The following CLPTM1L variants were observed in gnomAD, a reference collection of about 807,000 sequenced individuals.
CLPTM1L encodes CLPTM1 like.
In CLPTM1L, 38 loss-of-function variants were observed where a neutral mutation model predicts 70.9. The ratio of observed to expected loss-of-function variants is 0.54; its 90% confidence interval spans 0.41 to 0.70. CLPTM1L has a LOEUF of 0.70. Ranked by LOEUF, CLPTM1L falls within the 30% of genes least tolerant of loss-of-function variation. The probability of loss-of-function intolerance (pLI) is 0.00; values close to 1 mark genes in which losing one functional copy is unlikely to be tolerated. For synonymous variants in CLPTM1L, 339 were observed against 299.9 expected (o/e 1.13, Z -1.35); for missense variants, 652 against 705.9 (o/e 0.92, Z 0.87).
chr5:1,335,180 G>A lies in CLPTM1L; in HGVS notation c.679-6C>T, dbSNP rs760630498. The A allele has an allele frequency of 2.1e-5, 34 of 1,610,346 alleles. No individual in the cohort carries two copies. The highest frequency in any genetic ancestry group is 4.0e-5 in the African/African-American group (3 of 74,876). ...GTGGTGGAGCGGTTTATGACCTGAT[G>A]AAGAAAGCCACACTGAGGGCCCTGC... is the stretch of plus-strand genomic sequence containing the variant. On this transcript the variant is annotated splice_polypyrimidine_tract_variant and splice_region_variant and intron_variant, in intron 5 of 16. Transcript: ENST00000320895.
At chr5:1,331,709 C>A in intron 8 of CLPTM1L, 90 bp downstream of exon 8, 17 of 1,117,644 alleles carry the variant, frequency 1.5e-5, no homozygotes, top group Non-Finnish European at 2.2e-5. Context: ...GTGTCTGCAG[C>A]CAGCAGTGAG....
At chr5:1,336,952 C>A (rs531792045) in intron 5 of CLPTM1L, among the ~76,000 whole-genome samples, 3 of 152,282 alleles carry the variant, frequency 2.0e-5, no homozygotes, top group South Asian at 4.1e-4. Context: ...TGCACCCCCC[C>A]GCTAGCAAGC....
chr5:1,343,020 G>A (rs1204009061), intron 2 of CLPTM1L, among the ~76,000 whole-genome samples: 9 of 152,164 alleles, frequency 5.9e-5, no homozygotes, highest in Admixed American at 2.0e-4. Flanking sequence ...GTGAAACCCT[G>A]TCTCTACTAA....
intron 9 of CLPTM1L, among the ~76,000 whole-genome samples, chr5:1,327,375 C>G (rs71595011): frequency 7.2e-6 from 1 of 139,604 alleles, no homozygotes; most frequent in East Asian, 2.3e-4. Context: ...CAGGCACATT[C>G]CATCCAGCTC....
chr5:1,325,563 A>G (rs1752473317), intron 10 of CLPTM1L, 188 bp downstream of exon 10: 3 of 615,290 alleles, frequency 4.9e-6, no homozygotes, highest in African/African-American at 1.8e-5. Flanking sequence ...AACTAGGTAT[A>G]TGACCGGGGA....
chr5:1,331,736 C>T lies in CLPTM1L; in HGVS notation c.976+63G>A, dbSNP rs571406390. The T allele has an allele frequency of 3.9e-5, 56 of 1,418,736 alleles. No individual in the cohort carries two copies. The Middle Eastern group carries it at 7.3e-4, about 18-fold the overall frequency. The allele number at this position is 1,418,736 out of a possible 1,614,324, so 87.9% of individuals were successfully genotyped here. A position where few individuals can be genotyped will look rare whatever the true frequency, so the allele number is the denominator to read the frequency against. ...AGCAGTGAGGCAGGCAGCCCTCTAC[C>T]GCAGGCTCCAGTGAGCTCCCTGGGG... On this transcript the variant is annotated intron_variant, in intron 8 of 16. Coordinates refer to ENST00000320895, the MANE Select transcript of CLPTM1L (RefSeq NM_030782.5).
chr5:1,323,991 G>A, intron 11 of CLPTM1L, 122 bp from the exon 12 acceptor site: 1 of 785,306 alleles, frequency 1.3e-6, no homozygotes, highest in Non-Finnish European at 2.2e-6. Context: ...GGGTGGCAGG[G>A]CTGCTCTGCA....
intron 2 of CLPTM1L, 24 bp downstream of exon 2, chr5:1,344,327 T>G (rs28576379): frequency 1.4e-6 from 2 of 1,462,324 alleles, no homozygotes; most frequent in Non-Finnish European, 1.9e-6. Flanking sequence ...TCCCTTTCAC[T>G]GGCATTTTGT....
In CLPTM1L at chr5:1,342,134, G is replaced by C. The variant is rs1426133835; in HGVS notation, c.264-274C>G. ...CCCGCACTTCCTGCCTCCATCTCAG[G>C]AGGCTGAGAGGTCAATAACCCACCT... On this transcript the variant is annotated intron_variant, in intron 2 of 16. Transcript: ENST00000320895. This position sits in a 1 kb window ranked among gnomAD's most constrained non-coding sequence, Gnocchi z 4.3. Among the ~76,000 whole-genome samples the C allele has an allele frequency of 6.6e-6, 1 of 152,022 alleles. No homozygotes were observed. Among genetic ancestry groups the C allele is most frequent in the Admixed American group, 6.5e-5 (1 of 15,280 alleles).
At chr5:1,339,950 G>A (rs1025121448) in intron 3 of CLPTM1L, among the ~76,000 whole-genome samples, 6 of 150,678 alleles carry the variant, frequency 4.0e-5, no homozygotes, top group East Asian at 2.0e-4. Flanking sequence ...GAAAAACCGC[G>A]CCCGGACAGC....
chr5:1,338,973 G>A lies in CLPTM1L; in HGVS notation c.486C>T (p.Ala162=), dbSNP rs764677933. 1 of 1,613,266 alleles carries A rather than the reference G, an allele frequency of 6.2e-7. No homozygotes were observed. Among genetic ancestry groups the A allele is most frequent in the Non-Finnish European group, 8.5e-7 (1 of 1,179,960 alleles). The change falls in exon 4 of 17, where the codon GCC becomes GCT. Residue 162 remains alanine (A), a synonymous_variant. Coordinates refer to ENST00000320895, the MANE Select transcript of CLPTM1L (RefSeq NM_030782.5). ...GCCAGTGGGACACTGGCTCATCCAG[G>A]GCACTCGTCGGCTTCTTCTCCGCCT... is the stretch of plus-strand genomic sequence containing the variant. ...QIEAEKKPTS[A]LDEPVSHWRP... is the part of the protein sequence containing the mutation.
chr5:1,325,678 T>C, intron 10 of CLPTM1L, 73 bp downstream of exon 10: 2 of 1,301,092 alleles, frequency 1.5e-6, no homozygotes, highest in South Asian at 2.4e-5. Context: ...ATGGCCATCT[T>C]ACTCTTTGCA....
intron 13 of CLPTM1L, among the ~76,000 whole-genome samples, chr5:1,322,560 C>T (rs1296204553): frequency 6.6e-6 from 1 of 152,232 alleles, no homozygotes; most frequent in Non-Finnish European, 1.5e-5. Context: ...CTGTTTTCAT[C>T]AGCGATGGAC....
intron 15 of CLPTM1L, 82 bp from the exon 16 acceptor site, chr5:1,320,813 C>T (rs1456105938): frequency 1.1e-5 from 8 of 714,610 alleles, no homozygotes; most frequent in African/African-American, 5.5e-5. Context: ...ACCAAGCCAA[C>T]GGCTTTTGGC....
chr5:1,322,823 A>C (rs375686121), intron 13 of CLPTM1L, 54 bp downstream of exon 13: 6 of 1,583,380 alleles, frequency 3.8e-6, no homozygotes, highest in Non-Finnish European at 5.2e-6. Context: ...AGAACAATTA[A>C]ATCGCTGCCT....
Position 1,323,859 on chromosome 5 carries a change from T to G in CLPTM1L, c.1208A>C (p.Tyr403Ser). ...TEEYDTQAMK[Y>S]LSYLLYPLCV... ...GAGAGGGTACAGCAGGTATGACAAG[T>G]ACTTCATGGCCTGCAGGGAACAAAG... The change falls in exon 12 of 17, where the codon TAC becomes TCC. Residue 403 changes from tyrosine (Y) to serine (S), a missense_variant. This residue lies in a region of CLPTM1L where 240 missense variants were observed against 295.0 expected (regional missense o/e 0.81). Transcript: ENST00000320895. 1 of 1,613,244 alleles carries G rather than the reference T, an allele frequency of 6.2e-7. No individual in the cohort carries two copies. Among genetic ancestry groups the G allele is most frequent in the Non-Finnish European group, 8.5e-7 (1 of 1,179,610 alleles).
At position 1,323,869 on chromosome 5, in the gene CLPTM1L, C is replaced by T; in HGVS notation, c.1198G>A (p.Ala400Thr). ...AGCAGGTATGACAAGTACTTCATGG[C>T]CTGCAGGGAACAAAGATGGCTTCCA... The part of the protein sequence containing the change: ...ERKTEEYDTQ[A>T]MKYLSYLLYP... Residue 400 changes from alanine (A) to threonine (T), a missense_variant and splice_region_variant, in exon 12 of 17, where the codon GCC becomes ACC. By Grantham distance (58) the Ala-to-Thr change is moderately conservative. Coordinates refer to ENST00000320895, the MANE Select transcript of CLPTM1L (RefSeq NM_030782.5). The T allele has an allele frequency of 6.2e-7, 1 of 1,612,882 alleles. No individual in the cohort carries two copies. The highest frequency in any genetic ancestry group is 8.5e-7 in the Non-Finnish European group (1 of 1,179,226).
At chr5:1,322,736 C>T (rs748639463) in intron 13 of CLPTM1L, 141 bp downstream of exon 13, 35 of 849,710 alleles carry the variant, frequency 4.1e-5, no homozygotes, top group South Asian at 7.1e-5. Context: ...CCCTGGGCAC[C>T]GCACATGTGC....
intron 7 of CLPTM1L, among the ~76,000 whole-genome samples, chr5:1,333,498 A>C (rs953467517): frequency 1.4e-5 from 2 of 147,372 alleles, no homozygotes; most frequent in South Asian, 4.4e-4. Context: ...CCAGATGAGG[A>C]TAAGGGGGGA....
Sources: gnomAD v4.1 joint callset for allele counts (sites outside exome capture counted in the v4.1 genomes callset) on GRCh38, gnomAD v4.1.1 for gene constraint, gnomAD v4.1.1 regional missense constraint, Gnocchi (gnomAD v3.1) non-coding constraint, MANE v1.5 for transcripts, NCBI Gene and HGNC (gene_info 2026-07-23, HGNC 2026-07-21) for gene names.